The following SLC25A45 variants were observed in gnomAD, a reference collection of about 807,000 sequenced individuals.
SLC25A45 encodes the protein solute carrier family 25 member 45.
A neutral mutation model predicts 23.0 loss-of-function variants in SLC25A45; 22 were observed. The observed-to-expected ratio is 0.95, with a 90% CI of 0.68 to 1.36. The LOEUF (loss-of-function observed/expected upper bound fraction) is 1.36, where lower values mean the gene tolerates loss of function less well. Among genes scored for constraint, SLC25A45 ranks in the 40% most tolerant of loss-of-function variants. SLC25A45 has a pLI of 0.00. For missense variants in SLC25A45, 355 were observed against 383.5 expected (o/e 0.93, Z 0.62); for synonymous variants, 136 against 155.0 (o/e 0.88, Z 0.91).
At position 65,376,462 on chromosome 11, in the gene SLC25A45, G is replaced by A. The variant is rs1305948341; in HGVS notation, c.812C>T (p.Pro271Leu). 1.9e-6 allele frequency: 3 copies of A among 1,614,090 alleles called. No homozygotes were observed. The African/African-American group carries it at 4.0e-5, about 22-fold the overall frequency. Reference sequence around the variant, plus strand: ...GCTGAGGAAGGTGACAGCATTGACGGGAAAGGCGCGGGCACTGTTGATGGT... The same window carrying A: ...GCTGAGGAAGGTGACAGCATTGACGAGAAAGGCGCGGGCACTGTTGATGGT... ...GVTINSARAFPVNAVTFLSYE... is the reference protein window; with the variant it reads ...GVTINSARAFLVNAVTFLSYE... The change falls in exon 7 of 7, where the codon CCC becomes CTC. Residue 271 changes from proline (P) to leucine (L), a missense_variant. Transcript: ENST00000398802.
At chr11:65,377,103 C>T (rs772649175) in intron 5 of SLC25A45, 27 bp from the exon 6 acceptor site, 22 of 1,602,010 alleles carry the variant, frequency 1.4e-5, no homozygotes, top group African/African-American at 4.0e-5. Flanking sequence ...ATGAGGGCCC[C>T]GGGTGGGGCT....
chr11:65,380,510 T>A (rs1476531242), intron 2 of SLC25A45: 2 of 1,390,748 alleles, frequency 1.4e-6, no homozygotes, highest in Non-Finnish European at 1.9e-6. Flanking sequence ...CGCGGGACTC[T>A]GGGAGAATCA....
upstream of SLC25A45, chr11:65,383,277 T>C (rs1327715077): frequency 6.6e-6 from 1 of 152,334 alleles, no homozygotes; most frequent in East Asian, 1.9e-4. Context: ...CCCCTGCTGC[T>C]TTCTCCCGGG....
In SLC25A45 at chr11:65,381,928, A is replaced by G. The variant is rs1397154901; in HGVS notation, c.24T>C (p.Ala8=). The change falls in exon 2 of 7, where the codon GCT becomes GCC. Residue 8 remains alanine (A), a synonymous_variant. Transcript: ENST00000398802. ...AAAATGTCTCACCAGAGATCCAGCC[A>G]GCCACAAATTCCTCCACCGGCATTG... is the stretch of plus-strand genomic sequence containing the variant. MPVEEFV[A]GWISGALGLV... is the part of the protein sequence containing the mutation. 6.2e-7 allele frequency: 1 copy of G among 1,614,060 alleles called. No individual in the cohort carries two copies. The highest frequency in any genetic ancestry group is 1.3e-5 in the African/African-American group (1 of 74,914).
Position 65,382,404 on chromosome 11 carries a change from C to A in SLC25A45, c.-19+82G>T. On this transcript the variant is annotated intron_variant, in intron 1 of 6. Coordinates refer to ENST00000398802, the MANE Select transcript of SLC25A45 (RefSeq NM_182556.4). The surrounding 1 kb of genome is among the most constrained non-coding windows in gnomAD (Gnocchi z 4.4). ...AGAGAGAGGCCGGGTGCGGAGGTAGCGTGGCCACCAGGGGGTAGGCCCAGC... is the reference window on the plus strand; with the variant it reads ...AGAGAGAGGCCGGGTGCGGAGGTAGAGTGGCCACCAGGGGGTAGGCCCAGC... 5.2e-6 allele frequency: 1 copy of A among 193,344 alleles called. No individual in the cohort carries two copies. The highest frequency in any genetic ancestry group is 1.1e-5 in the Non-Finnish European group (1 of 90,070). The allele number at this position is 193,344 out of a possible 1,614,324, so 12.0% of individuals were successfully genotyped here. A position where few individuals can be genotyped will look rare whatever the true frequency, so the allele number is the denominator to read the frequency against.
intron 4 of SLC25A45, 145 bp downstream of exon 4, chr11:65,379,722 T>A (rs1855444290): frequency 7.8e-7 from 1 of 1,279,752 alleles, no homozygotes; most frequent in African/African-American, 1.5e-5. Flanking sequence ...TCTGGGGTGC[T>A]AAGCTACCAC....
intron 5 of SLC25A45, chr11:65,378,074 T>C (rs75723458): frequency 0.015 from 2,306 of 152,192 alleles, 39 homozygotes; most frequent in Non-Finnish European, 0.025. Flanking sequence ...TACCATCCCT[T>C]GGGAGATGGG....
intron 5 of SLC25A45, 196 bp from the exon 6 acceptor site, chr11:65,377,272 C>T (rs552280225): frequency 7.1e-7 from 1 of 1,416,192 alleles, no homozygotes; most frequent in East Asian, 2.6e-5. Flanking sequence ...CAGGCCACCT[C>T]CCTTGGCATC....
intron 2 of SLC25A45, chr11:65,380,848 C>T (rs375823905): frequency 9.8e-6 from 3 of 305,100 alleles, no homozygotes; most frequent in Admixed American, 4.4e-5. Context: ...CCTCAGGGCC[C>T]GGGACTGCGG....
At chr11:65,377,433 G>A in intron 5 of SLC25A45, 2 of 1,077,188 alleles carry the variant, frequency 1.9e-6, no homozygotes, top group Non-Finnish European at 2.3e-6. Context: ...CCTGTACGGT[G>A]GGCAGGGCCA....
rs1209392746 is a variant in SLC25A45, at chr11:65,375,458, G to C, written c.*949C>G. 1.3e-5 allele frequency: 2 copies of C among 152,490 alleles called. No individual in the cohort carries two copies. Among genetic ancestry groups the C allele is most frequent in the Non-Finnish European group, 2.9e-5 (2 of 68,236 alleles). 9.4% of individuals were successfully genotyped at this position (152,490 alleles called of 1,614,324 possible). ...ACTGGGCTCAGCCTGGGTCTCGGAG[G>C]AGAGCGGGGCCAGCCCCGGGGATGG... On this transcript the variant is annotated 3_prime_UTR_variant, in exon 7 of 7. Transcript: ENST00000398802.
upstream of SLC25A45, chr11:65,382,790 C>T (rs1320292531): frequency 1.3e-5 from 2 of 152,496 alleles, no homozygotes; most frequent in South Asian, 4.1e-4. The surrounding 1 kb of genome is among the most constrained non-coding windows in gnomAD (Gnocchi z 4.4). Context: ...CTTCTGTCTC[C>T]AGGCCTGTGG....
At chr11:65,377,361 C>T in intron 5 of SLC25A45, 3 of 1,286,672 alleles carry the variant, frequency 2.3e-6, no homozygotes, top group Non-Finnish European at 9.8e-7. Flanking sequence ...TCAGAACAAG[C>T]CTGGATTCTT....
rs1855629326 is a variant in SLC25A45, at chr11:65,382,528, A to ACTCCC, written c.-66_-62dup. Reference sequence around the variant, plus strand: ...TTCAGGGTTGTTTACGACTCCCCCGACTCCCCCGTGTGAGTCAGAAACACA... The same window carrying ACTCCC: ...TTCAGGGTTGTTTACGACTCCCCCGACTCCCCTCCCCCGTGTGAGTCAGAAACACA... On this transcript the variant is annotated 5_prime_UTR_variant, in exon 1 of 7. Transcript: ENST00000398802. This position sits in a 1 kb window ranked among gnomAD's most constrained non-coding sequence, Gnocchi z 4.4. The ACTCCC allele has an allele frequency of 6.5e-6, 1 of 153,718 alleles. No homozygotes were observed. Among genetic ancestry groups the ACTCCC allele is most frequent in the Non-Finnish European group, 1.4e-5 (1 of 68,980 alleles). The allele number at this position is 153,718 out of a possible 1,614,324, so 9.5% of individuals were successfully genotyped here. A position where few individuals can be genotyped will look rare whatever the true frequency, so the allele number is the denominator to read the frequency against.
chr11:65,380,362 C>A, intron 2 of SLC25A45, 187 bp from the exon 3 acceptor site: 4 of 963,398 alleles, frequency 4.2e-6, no homozygotes, highest in African/African-American at 1.6e-5. Context: ...CACACAGGCA[C>A]TGGGCCAGGA....
At chr11:65,380,264 A>G (rs891023398) in intron 2 of SLC25A45, 89 bp from the exon 3 acceptor site, 1 of 1,589,780 alleles carries the variant, frequency 6.3e-7, no homozygotes, top group Non-Finnish European at 8.6e-7. Flanking sequence ...GGGTTCAGGC[A>G]GGAGGAAGGA....
Position 65,376,307 on chromosome 11 carries a change from G to C in SLC25A45, c.*100C>G, listed in dbSNP as rs879729567. On this transcript the variant is annotated 3_prime_UTR_variant, in exon 7 of 7. Transcript: ENST00000398802. The stretch of plus-strand genomic sequence containing the variant: ...AGGCACCTTGGTTAGGAAGGGCTGA[G>C]CCTCTTGCACTGATTTGCAAGCTTT... 2.5e-5 allele frequency: 36 copies of C among 1,416,408 alleles called. No individual in the cohort carries two copies. The Admixed American group carries it at 6.7e-4, about 26-fold the overall frequency. 87.7% of individuals were successfully genotyped at this position (1,416,408 alleles called of 1,614,324 possible). A position where few individuals can be genotyped will look rare whatever the true frequency, so the allele number is the denominator to read the frequency against.
At chr11:65,377,883 A>G (rs919962318) in intron 5 of SLC25A45, 6 of 152,230 alleles carry the variant, frequency 3.9e-5, no homozygotes, top group African/African-American at 1.4e-4. Flanking sequence ...TGAGGGATTT[A>G]TCTGTTTTTT....
At position 65,380,579 on chromosome 11, in the gene SLC25A45, G is replaced by A. The variant is rs187934946; in HGVS notation, c.38-404C>T. 3.1e-5 allele frequency: 40 copies of A among 1,299,980 alleles called. No individual in the cohort carries two copies. In the East Asian group the frequency reaches 1.9e-3, roughly 61 times the overall value. 80.5% of individuals were successfully genotyped at this position (1,299,980 alleles called of 1,614,324 possible). ...TCTTTCTTCAACTCATAATGTCGTC[G>A]CCGGGATCCAGAGCAGGCCCTGCTG... On this transcript the variant is annotated intron_variant, in intron 2 of 6. Coordinates refer to ENST00000398802, the MANE Select transcript of SLC25A45 (RefSeq NM_182556.4).
Sources: gnomAD v4.1 joint callset for allele counts on GRCh38, gnomAD v4.1.1 for gene constraint, Gnocchi (gnomAD v3.1) non-coding constraint, MANE v1.5 for transcripts, NCBI Gene and HGNC (gene_info 2026-07-23, HGNC 2026-07-21) for gene names.